The following EBF1 variants were observed in gnomAD, a reference collection of about 807,000 sequenced individuals.
EBF1 encodes transcription factor COE1.
Under a neutral mutation model 68.4 loss-of-function variants are expected in EBF1, and 10 were observed. The observed-to-expected ratio is 0.15, with a 90% CI of 0.09 to 0.25. EBF1 has a LOEUF of 0.25. EBF1 is among the 10% of genes least tolerant of loss of function. EBF1 has a pLI of 1.00. For missense variants in EBF1, 509 were observed against 794.4 expected (o/e 0.64, Z 4.32); for synonymous variants, 298 against 299.8 (o/e 0.99, Z 0.06).
At chr5:159,084,020 TAA>T (rs1780182044) in intron 5 of EBF1, among the ~76,000 whole-genome samples, 1 of 152,172 alleles carries the variant, frequency 6.6e-6, no homozygotes, top group African/African-American at 2.4e-5. Flanking sequence ...CAGGCAAAAA[TAA>T]AGACACTCAT....
chr5:159,098,265 A>T (rs917655899), intron 1 of EBF1, among the ~76,000 whole-genome samples: 2 of 152,210 alleles, frequency 1.3e-5, no homozygotes, highest in Non-Finnish European at 2.9e-5. Flanking sequence ...GGGTGTGCCC[A>T]GGAAAGTTCC....
intron 6 of EBF1, among the ~76,000 whole-genome samples, chr5:159,065,671 C>G (rs1008004180): frequency 2.6e-5 from 4 of 151,824 alleles, no homozygotes; most frequent in African/African-American, 9.7e-5. Flanking sequence ...CCACCACAAC[C>G]TTTACATGAA....
chr5:159,022,940 C>T (rs1767005595), intron 6 of EBF1, among the ~76,000 whole-genome samples: 1 of 152,116 alleles, frequency 6.6e-6, no homozygotes, highest in Admixed American at 6.5e-5. Context: ...GTAAAGTCAT[C>T]GAGCCAAATG....
At chr5:158,959,671 A>G (rs931130536) in intron 6 of EBF1, among the ~76,000 whole-genome samples, 2 of 151,470 alleles carry the variant, frequency 1.3e-5, no homozygotes, top group African/African-American at 4.8e-5. Flanking sequence ...ATATGTATGT[A>G]TATATATATA....
At chr5:158,868,149 A>G (rs1422884141) in intron 6 of EBF1, among the ~76,000 whole-genome samples, 1 of 151,898 alleles carries the variant, frequency 6.6e-6, no homozygotes, top group Non-Finnish European at 1.5e-5. Context: ...TTTTTGCCAT[A>G]TTCTTCATTC....
At chr5:158,873,601 A>G (rs1797278106) in intron 6 of EBF1, among the ~76,000 whole-genome samples, 1 of 152,256 alleles carries the variant, frequency 6.6e-6, no homozygotes, top group Admixed American at 6.5e-5. Flanking sequence ...AAGCAACATA[A>G]TTAAAAGTGA....
At chr5:158,749,015 C>G (rs1768190504) in intron 10 of EBF1, among the ~76,000 whole-genome samples, 1 of 152,094 alleles carries the variant, frequency 6.6e-6, no homozygotes, top group Non-Finnish European at 1.5e-5. Context: ...AGGTGTGTCC[C>G]CAAGGCAATC....
At position 158,868,004 on chromosome 5, in the gene EBF1, A is replaced by G. The variant is rs549794309; in HGVS notation, c.555-27894T>C. 4.6e-5 allele frequency among the ~76,000 whole-genome samples: 7 copies of G among 152,206 alleles called. No individual in the cohort carries two copies. The South Asian group carries it at 1.2e-3, about 27-fold the overall frequency. ...CAAAAGCTTAATTTTTTTTTTCTCTAAAGACTGTATATCTACATCTGGAAA... is the reference window on the plus strand; with the variant it reads ...CAAAAGCTTAATTTTTTTTTTCTCTGAAGACTGTATATCTACATCTGGAAA... On this transcript the variant is annotated intron_variant, in intron 6 of 15. Transcript: ENST00000313708.
intron 4 of EBF1, among the ~76,000 whole-genome samples, chr5:159,089,398 T>C (rs914997796): frequency 6.6e-6 from 1 of 152,162 alleles, no homozygotes; most frequent in Non-Finnish European, 1.5e-5. Context: ...GCCACTGTTT[T>C]GAAAGACATA....
chr5:158,823,603 TA>T (rs746103998), intron 7 of EBF1, among the ~76,000 whole-genome samples: 2 of 152,224 alleles, frequency 1.3e-5, no homozygotes, highest in Non-Finnish European at 2.9e-5. Flanking sequence ...TTTATTAGCA[TA>T]TTTTTTTACA....
At chr5:158,739,364 G>C (rs1046255726) in intron 10 of EBF1, among the ~76,000 whole-genome samples, 4 of 152,176 alleles carry the variant, frequency 2.6e-5, no homozygotes, top group African/African-American at 9.7e-5. Flanking sequence ...GAGAAAAGCT[G>C]CCCCTGTTAC....
intron 7 of EBF1, among the ~76,000 whole-genome samples, chr5:158,826,173 C>T (rs1218915714): frequency 3.3e-5 from 5 of 152,202 alleles, no homozygotes; most frequent in Non-Finnish European, 1.5e-5. Flanking sequence ...CACAACAACA[C>T]TTTCCTTCTT....
intron 10 of EBF1, among the ~76,000 whole-genome samples, chr5:158,735,784 C>A (rs1472112423): frequency 6.6e-6 from 1 of 152,188 alleles, no homozygotes; most frequent in Admixed American, 6.5e-5. Flanking sequence ...TTCCGGATCT[C>A]ATCATCTCAG....
chr5:158,905,446 C>T (rs969216513), intron 6 of EBF1, among the ~76,000 whole-genome samples: 3 of 152,156 alleles, frequency 2.0e-5, no homozygotes, highest in Non-Finnish European at 4.4e-5. Context: ...GGCATTTTGG[C>T]ATTGCGATAG....
At chr5:158,795,356 T>C (rs1394299855) in intron 9 of EBF1, among the ~76,000 whole-genome samples, 1 of 152,136 alleles carries the variant, frequency 6.6e-6, no homozygotes, top group Admixed American at 6.5e-5. Context: ...ACTATCCTTA[T>C]CAAGAAAAGA....
rs140802680 is a variant in EBF1 at position 158,784,731 on chromosome 5, G to A, written c.910-7192C>T. On this transcript the variant is annotated intron_variant, in intron 9 of 15. Coordinates refer to ENST00000313708, the MANE Select transcript of EBF1 (RefSeq NM_024007.5). ...AGTCCAAAACAAGCAAAGACTCAAA[G>A]AGAAGGGATAAAAGGAAGGAAATGT... Among the ~76,000 whole-genome samples, 117 of 152,230 alleles carry A rather than the reference G, an allele frequency of 7.7e-4. 3 individuals are homozygous for A. In the East Asian group the frequency reaches 0.021, roughly 27 times the overall value.
chr5:159,003,003 T>A (rs1470308098), intron 6 of EBF1, among the ~76,000 whole-genome samples: 1 of 152,238 alleles, frequency 6.6e-6, no homozygotes, highest in African/African-American at 2.4e-5. Context: ...TTACTCATGA[T>A]GCAAGTTTGG....
chr5:158,762,909 C>T (rs768186625), intron 10 of EBF1, among the ~76,000 whole-genome samples: 69 of 152,118 alleles, frequency 4.5e-4, no homozygotes, highest in Non-Finnish European at 7.4e-4. Context: ...CAGTATAATC[C>T]TAACAACACT....
intron 5 of EBF1, among the ~76,000 whole-genome samples, chr5:159,083,190 T>G (rs1780028415): frequency 6.6e-6 from 1 of 152,174 alleles, no homozygotes. Context: ...TCTAATGACA[T>G]GCTAATTGTA....
Sources: allele counts gnomAD v4.1 joint callset (sites outside exome capture counted in the v4.1 genomes callset), GRCh38; gene constraint gnomAD v4.1.1; transcripts MANE v1.5; gene names NCBI Gene and HGNC (gene_info 2026-07-23, HGNC 2026-07-21).